Variants in CACNA1I observed in about 807,000 individuals in gnomAD.
CACNA1I encodes the protein calcium voltage-gated channel subunit alpha1 I, also known as voltage-dependent T-type calcium channel subunit alpha-1I.
A neutral mutation model predicts 201.6 loss-of-function variants in CACNA1I; 74 were observed. That is an observed-to-expected ratio of 0.37 (90% CI 0.30 to 0.45). CACNA1I has a LOEUF of 0.45. Among genes scored for constraint, CACNA1I ranks in the 20% least tolerant of loss-of-function variants. The pLI, the probability that CACNA1I is intolerant of heterozygous loss-of-function variation, is 1.00. For synonymous variants in CACNA1I, 1,431 were observed against 1,345.2 expected (o/e 1.06, Z -1.40); for missense variants, 2,346 against 3,138.1 (o/e 0.75, Z 6.03).
At chr22:39,662,535 G>A in intron 17 of CACNA1I, 100 bp downstream of exon 17, 1 of 932,584 alleles carries the variant, frequency 1.1e-6, no homozygotes, top group Non-Finnish European at 1.5e-6. Context: ...GCCCACGGGG[G>A]GCGTGGCCGG....
Position 39,659,358 on chromosome 22 carries a change from G to T in CACNA1I, c.2331-75G>T. 9.2e-7 allele frequency: 1 copy of T among 1,092,298 alleles called. No homozygotes were observed. The highest frequency in any genetic ancestry group is 1.4e-5 in the South Asian group (1 of 73,090). 67.7% of individuals were successfully genotyped at this position (1,092,298 alleles called of 1,614,324 possible). On this transcript the variant is annotated intron_variant, in intron 12 of 36. Coordinates refer to ENST00000402142, the MANE Select transcript of CACNA1I (RefSeq NM_021096.4). The surrounding 1 kb of genome is among the most constrained non-coding windows in gnomAD (Gnocchi z 4.3). ...CCCCTGCCCTGCATTTTACTGAGTT[G>T]ACTGAGAATGAAACAAGGTGAGTAG...
chr22:39,659,566 G>A lies in CACNA1I; in HGVS notation c.2448+16G>A, dbSNP rs773672869. The A allele has an allele frequency of 1.1e-5, 18 of 1,604,854 alleles. No homozygotes were observed. Among genetic ancestry groups the A allele is most frequent in the Admixed American group, 3.4e-5 (2 of 59,650 alleles). On this transcript the variant is annotated intron_variant, in intron 13 of 36. Coordinates refer to ENST00000402142, the MANE Select transcript of CACNA1I (RefSeq NM_021096.4). The surrounding 1 kb of genome is among the most constrained non-coding windows in gnomAD (Gnocchi z 4.3). ...TGTGTTCCAGGTGAGTGGCCGCTGC[G>A]TGTTCATGTTTGCTGGGGAAGCGAT...
rs1193875273 is a variant in CACNA1I, at chr22:39,685,870, T to C, written c.6137T>C (p.Leu2046Pro). Residue 2046 changes from leucine to proline, a missense_variant, in exon 37 of 37, where the codon CTG (leucine) becomes CCG (proline). Leu to Pro is a moderately conservative substitution (Grantham distance 98). Around this residue, in one of 13 missense-constraint regions of CACNA1I, gnomAD observed 441 missense variants for 555.6 expected, o/e 0.79. Coordinates refer to ENST00000402142, the MANE Select transcript of CACNA1I (RefSeq NM_021096.4). The surrounding 1 kb of genome is among the most constrained non-coding windows in gnomAD (Gnocchi z 5.0). The stretch of plus-strand genomic sequence containing the variant: ...CTGAGCGACAGCCCCCGGCGTGCCC[T>C]GGGGCCGCCCGCGCCTGCTCCAGGA... ...LTLSDSPRRA[L>P]GPPAPAPGPR... The C allele has an allele frequency of 1.4e-6, 2 of 1,465,196 alleles. No individual in the cohort carries two copies. Among genetic ancestry groups the C allele is most frequent in the Non-Finnish European group, 1.8e-6 (2 of 1,117,054 alleles). 90.8% of individuals were successfully genotyped at this position (1,465,196 alleles called of 1,614,324 possible). A position where few individuals can be genotyped will look rare whatever the true frequency, so the allele number is the denominator to read the frequency against.
chr22:39,571,223 G>T, intron 1 of CACNA1I: 1 of 574,452 alleles, frequency 1.7e-6, no homozygotes, highest in Non-Finnish European at 3.1e-6. Context: ...GTGGCTGTGG[G>T]GTCAGTCCAG....
At chr22:39,633,080 C>T (rs1375685444) in intron 4 of CACNA1I, among the ~76,000 whole-genome samples, 2 of 152,042 alleles carry the variant, frequency 1.3e-5, no homozygotes, top group Non-Finnish European at 2.9e-5. Context: ...AGGCTCACCC[C>T]TAGCATACAC....
At chr22:39,572,206 T>C (rs1326628335) in intron 1 of CACNA1I, among the ~76,000 whole-genome samples, 2 of 152,008 alleles carry the variant, frequency 1.3e-5, no homozygotes, top group African/African-American at 4.8e-5. Context: ...TGTGTGGCAC[T>C]GGCTTGCAGG....
At position 39,659,724 on chromosome 22, in the gene CACNA1I, G is replaced by A. The variant is rs1278074840; in HGVS notation, c.2476G>A (p.Val826Ile). The A allele has an allele frequency of 4.3e-6, 7 of 1,613,892 alleles. No individual in the cohort carries two copies. The highest frequency in any genetic ancestry group is 1.7e-5 in the Admixed American group (1 of 60,026). Residue 826 changes from valine to isoleucine, a missense_variant, in exon 14 of 37, where the codon GTT becomes ATT. This residue lies in a region of CACNA1I where 155 missense variants were observed against 300.8 expected (regional missense o/e 0.52). Coordinates refer to ENST00000402142, the MANE Select transcript of CACNA1I (RefSeq NM_021096.4). The surrounding 1 kb of genome is among the most constrained non-coding windows in gnomAD (Gnocchi z 4.3). ...CCTCACCCAGGAGGACTGGAACGTCGTTCTCTACAATGGCATGGCCTCCAC... is the reference window on the plus strand; with the variant it reads ...CCTCACCCAGGAGGACTGGAACGTCATTCTCTACAATGGCATGGCCTCCAC... ...QILTQEDWNVVLYNGMASTSP... is the reference protein window; with the variant it reads ...QILTQEDWNVILYNGMASTSP...
chr22:39,592,333 G>C (rs948366272), intron 1 of CACNA1I, among the ~76,000 whole-genome samples: 5 of 152,224 alleles, frequency 3.3e-5, no homozygotes, highest in Admixed American at 6.5e-5. Flanking sequence ...GAGGGTTTCC[G>C]TGTGAGTTTG....
intron 1 of CACNA1I, chr22:39,587,614 G>A (rs183226336): frequency 8.5e-6 from 3 of 352,682 alleles, no homozygotes; most frequent in East Asian, 9.6e-5. Flanking sequence ...AGGGTATGAG[G>A]TTCAAATCCT....
chr22:39,668,215 A>C (rs748271146), intron 23 of CACNA1I, 77 bp from the exon 24 acceptor site: 32 of 824,166 alleles, frequency 3.9e-5, no homozygotes, highest in Non-Finnish European at 6.2e-5. Flanking sequence ...AGAAGAATAG[A>C]GAGCTGAGGA....
chr22:39,618,593 C>T (rs895359097), intron 3 of CACNA1I, among the ~76,000 whole-genome samples: 51 of 152,016 alleles, frequency 3.4e-4, no homozygotes, highest in African/African-American at 1.1e-3. Flanking sequence ...TCACAACAGT[C>T]GGACAGGTTT....
chr22:39,670,169 G>A lies in CACNA1I; in HGVS notation c.4326G>A (p.Glu1442=). The A allele has an allele frequency of 1.9e-6, 3 of 1,614,012 alleles. No homozygotes were observed. The highest frequency in any genetic ancestry group is 1.7e-6 in the Non-Finnish European group (2 of 1,179,884). ...TCCACAAGTGCCGGCAGCACCAGGA[G>A]GCTGAAGAGGCACGGCGGCGTGAGG... is the stretch of plus-strand genomic sequence containing the variant. The part of the protein sequence containing the change: ...ENFHKCRQHQ[E]AEEARRREEK... Residue 1442 remains glutamate, a synonymous_variant, in exon 25 of 37, where the codon GAG becomes GAA. Transcript: ENST00000402142.
Position 39,619,322 on chromosome 22 carries a change from C to T in CACNA1I, c.495C>T (p.Tyr165=). The T allele has an allele frequency of 6.2e-7, 1 of 1,608,698 alleles. No individual in the cohort carries two copies. The highest frequency in any genetic ancestry group is 8.5e-7 in the Non-Finnish European group (1 of 1,179,356). ...FFIVMAGMVE[Y]SLDLQNINLS... ...CCTTTCTCTGCAGGATGGTCGAGTACTCCCTGGACCTTCAGAACATCAACC... is the reference window on the plus strand; with the variant it reads ...CCTTTCTCTGCAGGATGGTCGAGTATTCCCTGGACCTTCAGAACATCAACC... Residue 165 remains tyrosine, a synonymous_variant, in exon 4 of 37, where the codon TAC becomes TAT. Coordinates refer to ENST00000402142, the MANE Select transcript of CACNA1I (RefSeq NM_021096.4).
In CACNA1I at chr22:39,689,644, TA is replaced by T. The variant is rs1935980440; in HGVS notation, c.*3240del. On this transcript the variant is annotated 3_prime_UTR_variant, in exon 37 of 37. Coordinates refer to ENST00000402142, the MANE Select transcript of CACNA1I (RefSeq NM_021096.4). The stretch of plus-strand genomic sequence containing the variant: ...CCCTCCTAGTTGCTGATGGCGCTGG[TA>T]CCTGCTGGCCCATGGCCCGGGTGTA... 1 of 152,730 alleles carries T rather than the reference TA, an allele frequency of 6.5e-6. No individual in the cohort carries two copies. Among genetic ancestry groups the T allele is most frequent in the South Asian group, 2.1e-4 (1 of 4,838 alleles). The allele number at this position is 152,730 out of a possible 1,614,324, so 9.5% of individuals were successfully genotyped here.
chr22:39,590,663 G>A (rs1932810256), intron 1 of CACNA1I, among the ~76,000 whole-genome samples: 1 of 152,248 alleles, frequency 6.6e-6, no homozygotes, highest in Non-Finnish European at 1.5e-5. Flanking sequence ...CAGCCAGTGA[G>A]AGGCAGTGCA....
rs775938231 is a variant in CACNA1I at position 39,679,876 on chromosome 22, C to G, written c.5541+8C>G. On this transcript the variant is annotated splice_region_variant and intron_variant, in intron 33 of 36. Transcript: ENST00000402142. ...CACCACGACAAGCAAGAGGTAATGGCAGCCCGGGAGGCCTGGCCCCTTGTG... is the reference window on the plus strand; with the variant it reads ...CACCACGACAAGCAAGAGGTAATGGGAGCCCGGGAGGCCTGGCCCCTTGTG... 6.2e-7 allele frequency: 1 copy of G among 1,609,682 alleles called. No homozygotes were observed. Among genetic ancestry groups the G allele is most frequent in the South Asian group, 1.1e-5 (1 of 90,228 alleles).
At chr22:39,615,906 G>A (rs1276379909) in intron 3 of CACNA1I, among the ~76,000 whole-genome samples, 5 of 152,214 alleles carry the variant, frequency 3.3e-5, no homozygotes, top group African/African-American at 1.2e-4. Context: ...TAAGAACTCA[G>A]TAATATCACA....
intron 1 of CACNA1I, among the ~76,000 whole-genome samples, chr22:39,597,180 C>A (rs1413563346): frequency 6.6e-6 from 1 of 152,178 alleles, no homozygotes; most frequent in Non-Finnish European, 1.5e-5. Flanking sequence ...ACTGGAGATC[C>A]CGTTGGGGAG....
Position 39,665,516 on chromosome 22 carries a change from G to A in CACNA1I, c.3870G>A (p.Pro1290=), listed in dbSNP as rs374991740. The A allele has an allele frequency of 6.6e-5, 106 of 1,613,514 alleles. No individual in the cohort carries two copies. The highest frequency in any genetic ancestry group is 1.6e-4 in the Middle Eastern group (1 of 6,082). The change falls in exon 22 of 37, where the codon CCG becomes CCA. Residue 1290 remains proline (P), a synonymous_variant. Coordinates refer to ENST00000402142, the MANE Select transcript of CACNA1I (RefSeq NM_021096.4). This position sits in a 1 kb window ranked among gnomAD's most constrained non-coding sequence, Gnocchi z 5.5. ...CCGTCAGTGTCATCAGCCGGGCGCCGGGCCTGAAGCTGGTGGTGGAGACAC... is the reference window on the plus strand; with the variant it reads ...CCGTCAGTGTCATCAGCCGGGCGCCAGGCCTGAAGCTGGTGGTGGAGACAC... ...LRPLRVISRA[P]GLKLVVETLI... is the part of the protein sequence containing the mutation.
Sources: allele counts gnomAD v4.1 joint callset (sites outside exome capture counted in the v4.1 genomes callset), GRCh38; gene constraint gnomAD v4.1.1; regional missense constraint gnomAD v4.1.1; non-coding constraint Gnocchi (gnomAD v3.1); transcripts MANE v1.5; gene names NCBI Gene and HGNC (gene_info 2026-07-23, HGNC 2026-07-21).